MEF2B: variants seen among roughly 807,000 people sequenced by gnomAD.
The protein encoded by MEF2B is myocyte enhancer factor 2B.
Under a neutral mutation model 32.2 loss-of-function variants are expected in MEF2B, and 15 were observed. The ratio of observed to expected loss-of-function variants is 0.47; its 90% CI spans 0.31 to 0.72. The LOEUF (loss-of-function observed/expected upper bound fraction) is 0.72, where lower values mean the gene tolerates loss of function less well. Ranked by LOEUF, MEF2B falls within the 30% of genes least tolerant of loss-of-function variation. MEF2B has a pLI of 0.05. For synonymous variants in MEF2B, 205 were observed against 225.6 expected, an observed-to-expected ratio of 0.91 and a Z score of 0.82; for missense variants, 441 against 511.5, an observed-to-expected ratio of 0.86 and a Z score of 1.33.
Position 19,147,021 on chromosome 19 carries a change from C to G in MEF2B, c.541+15G>C. On this transcript the variant is annotated intron_variant, in intron 5 of 8. Transcript: ENST00000424583. ...CCCTCAGGACCTCACCCCTGCCCCACTGTCCCATGCTCACCTGGGGGCCCG... is the reference window on the plus strand; with the variant it reads ...CCCTCAGGACCTCACCCCTGCCCCAGTGTCCCATGCTCACCTGGGGGCCCG... 1.9e-6 allele frequency: 3 copies of G among 1,585,734 alleles called. No individual in the cohort carries two copies. The highest frequency in any genetic ancestry group is 2.6e-6 in the Non-Finnish European group (3 of 1,166,678).
chr19:19,161,089 G>T (rs1568552991), intron 1 of MEF2B, among the ~76,000 whole-genome samples: 3 of 152,086 alleles, frequency 2.0e-5, no homozygotes, highest in Non-Finnish European at 4.4e-5. Context: ...AAAGTCAGGG[G>T]GCAGCAGGGG....
chr19:19,168,772 A>AT (rs896672935), intron 1 of MEF2B, among the ~76,000 whole-genome samples: 9 of 150,648 alleles, frequency 6.0e-5, no homozygotes, highest in Non-Finnish European at 1.2e-4. Context: ...TAAAAAAACA[A>AT]TTTTTTTTGG....
At chr19:19,150,853 G>T (rs1261098839) in intron 1 of MEF2B, 89 bp from the exon 2 acceptor site, 2 of 1,467,326 alleles carry the variant, frequency 1.4e-6, no homozygotes, top group Non-Finnish European at 1.9e-6. Context: ...GTCTGCCCCT[G>T]CCAGCCACTG....
At chr19:19,168,507 A>G (rs963055422) in intron 1 of MEF2B, among the ~76,000 whole-genome samples, 1 of 151,646 alleles carries the variant, frequency 6.6e-6, no homozygotes, top group Non-Finnish European at 1.5e-5. Flanking sequence ...TCCTGACCTC[A>G]GGTGATCCGC....
In MEF2B at chr19:19,164,898, C is replaced by T. The variant is rs145372111; in HGVS notation, c.-30+5307G>A. Among the ~76,000 whole-genome samples, 224 of 149,576 alleles carry T rather than the reference C, an allele frequency of 1.5e-3. 2 individuals are homozygous for T. The highest frequency in any genetic ancestry group is 2.0e-3 in the Admixed American group (30 of 15,082). On this transcript the variant is annotated intron_variant, in intron 1 of 8. Coordinates refer to ENST00000424583, the MANE Select transcript of MEF2B (RefSeq NM_001145785.2). ...TGCAGGGACAGCCCAAGGTTTTCCT[C>T]TCTTTGTTCCAGAGAAAGCTCTCCC...
Position 19,149,435 on chromosome 19 carries a change from C to G in MEF2B, c.55-6G>C. The G allele has an allele frequency of 6.2e-7, 1 of 1,613,974 alleles. No homozygotes were observed. Among genetic ancestry groups the G allele is most frequent in the Non-Finnish European group, 8.5e-7 (1 of 1,179,994 alleles). On this transcript the variant is annotated splice_polypyrimidine_tract_variant and splice_region_variant and intron_variant, in intron 2 of 8. Coordinates refer to ENST00000424583, the MANE Select transcript of MEF2B (RefSeq NM_001145785.2). ...TTCCGCTTGGTGAACGTCACCTGGA[C>G]CCAGGACCCACAGGGGCAGGGGAGA... is the stretch of plus-strand genomic sequence containing the variant.
chr19:19,150,875 A>G, intron 1 of MEF2B, 111 bp from the exon 2 acceptor site: 1 of 1,336,686 alleles, frequency 7.5e-7, no homozygotes, highest in South Asian at 1.3e-5. Context: ...GAGGAAGATG[A>G]TGGGGAAAAT....
At chr19:19,169,728 G>T (rs193274262) in intron 1 of MEF2B, among the ~76,000 whole-genome samples, 14 of 152,252 alleles carry the variant, frequency 9.2e-5, no homozygotes, top group African/African-American at 3.1e-4. Context: ...GGCAGCTGTT[G>T]CTCCCCCGTT....
intron 1 of MEF2B, among the ~76,000 whole-genome samples, chr19:19,164,904 GT>G (rs2146383186): frequency 6.6e-6 from 1 of 152,172 alleles, no homozygotes; most frequent in East Asian, 1.9e-4. Context: ...TCCTCTCTTT[GT>G]TCCAGAGAAA....
intron 1 of MEF2B, among the ~76,000 whole-genome samples, chr19:19,159,428 A>G (rs544169256): frequency 1.3e-5 from 2 of 151,974 alleles, no homozygotes; most frequent in South Asian, 4.2e-4. Flanking sequence ...CTCTAAAAAT[A>G]AAAAAGCTCC....
At position 19,146,563 on chromosome 19, in the gene MEF2B, C is replaced by T. The variant is rs1338729674; in HGVS notation, c.761G>A (p.Gly254Asp). ...CAGGTTAGGGGATGTACCTGGGGGG[C>T]CTCCGGGGAGGAAGGGGAAGCTCCC... ...PLGSFPFLPG[G>D]PPEYGLGDPP... is the part of the protein sequence containing the mutation. The change falls in exon 7 of 9, where the codon GGC becomes GAC. Residue 254 changes from glycine to aspartate, a missense_variant. Physicochemically the swap from Gly to Asp is moderately conservative, Grantham distance 94. This residue lies in a region of MEF2B where 326 missense variants were observed against 328.4 expected (regional missense o/e 0.99). Coordinates refer to ENST00000424583, the MANE Select transcript of MEF2B (RefSeq NM_001145785.2). 5.1e-6 allele frequency: 8 copies of T among 1,567,784 alleles called. No individual in the cohort carries two copies. The African/African-American group carries it at 5.5e-5, about 11-fold the overall frequency.
Position 19,145,875 on chromosome 19 carries a change from G to T in MEF2B, c.1029C>A (p.Leu343=). ...FPKTFPYPLL[L]ARSLAEPLRP... is the part of the protein sequence containing the mutation. ...GCAGAGGCTCTGCCAGGGACCGGGC[G>T]AGGAGCAAGGGATAGGGGAAGGTCT... Residue 343 remains leucine (L), a synonymous_variant, in exon 9 of 9, where the codon CTC becomes CTA. Coordinates refer to ENST00000424583, the MANE Select transcript of MEF2B (RefSeq NM_001145785.2). The surrounding 1 kb of genome is among the most constrained non-coding windows in gnomAD (Gnocchi z 4.6). 1 of 1,475,600 alleles carries T rather than the reference G, an allele frequency of 6.8e-7. No individual in the cohort carries two copies. Among genetic ancestry groups the T allele is most frequent in the Non-Finnish European group, 9.0e-7 (1 of 1,111,328 alleles). 91.4% of individuals were successfully genotyped at this position (1,475,600 alleles called of 1,614,324 possible).
intron 7 of MEF2B, 59 bp downstream of exon 7, chr19:19,146,496 C>T (rs2060027092): frequency 6.9e-7 from 1 of 1,457,008 alleles, no homozygotes; most frequent in Admixed American, 2.8e-5. Flanking sequence ...GTGTGGAACC[C>T]CCAGAGGGCA....
At chr19:19,160,189 C>T (rs1030741363) in intron 1 of MEF2B, among the ~76,000 whole-genome samples, 1 of 151,918 alleles carries the variant, frequency 6.6e-6, no homozygotes, top group African/African-American at 2.4e-5. Flanking sequence ...AGGCTGGTCT[C>T]GAACTCCTGA....
chr19:19,153,415 A>T (rs1298579427), intron 1 of MEF2B, among the ~76,000 whole-genome samples: 1 of 152,060 alleles, frequency 6.6e-6, no homozygotes, highest in African/African-American at 2.4e-5. Context: ...GGGCCATTCT[A>T]GGACTCCTTC....
chr19:19,162,470 G>A (rs781070946), intron 1 of MEF2B, among the ~76,000 whole-genome samples: 1 of 152,164 alleles, frequency 6.6e-6, no homozygotes, highest in African/African-American at 2.4e-5. Flanking sequence ...CCACCCACCA[G>A]GGGTGAAATG....
chr19:19,159,556 C>T (rs2060144180), intron 1 of MEF2B, among the ~76,000 whole-genome samples: 1 of 152,010 alleles, frequency 6.6e-6, no homozygotes, highest in Admixed American at 6.6e-5. Context: ...GGCACCTGGG[C>T]AGAAGTGGTG....
Position 19,146,298 on chromosome 19 carries a change from GC to G in MEF2B, c.855del (p.Ala288ProfsTer116). 1 of 1,328,506 alleles carries G rather than the reference GC, an allele frequency of 7.5e-7. No individual in the cohort carries two copies. Among genetic ancestry groups the G allele is most frequent in the Non-Finnish European group, 9.7e-7 (1 of 1,033,136 alleles). 82.3% of individuals were successfully genotyped at this position (1,328,506 alleles called of 1,614,324 possible). ...LAPWQPSRGDGPPAVSSQPSG... is the reference protein window; with the variant it reads ...LAPWQPSRGDXPPAVSSQPSG... ...CTGGGCTGGGAGGACACGGCGGGGG[GC>G]CCATCACCCCTCGAGGGCTGCCAGG... On this transcript the variant is annotated frameshift_variant, in exon 8 of 9. Coordinates refer to ENST00000424583, the MANE Select transcript of MEF2B (RefSeq NM_001145785.2). LOFTEE classifies it low-confidence loss of function (END_TRUNC).
chr19:19,162,176 T>C (rs2060169494), intron 1 of MEF2B, among the ~76,000 whole-genome samples: 1 of 152,106 alleles, frequency 6.6e-6, no homozygotes, highest in Admixed American at 6.6e-5. Flanking sequence ...TGGAGTGCAG[T>C]GGTGCCATCA....
Sources: allele counts gnomAD v4.1 joint callset (sites outside exome capture counted in the v4.1 genomes callset), GRCh38; gene constraint gnomAD v4.1.1; regional missense constraint gnomAD v4.1.1; non-coding constraint Gnocchi (gnomAD v3.1); transcripts MANE v1.5; gene names NCBI Gene and HGNC (gene_info 2026-07-23, HGNC 2026-07-21).